The following RYR3 variants were observed in gnomAD, a reference collection of about 807,000 sequenced individuals.
RYR3 encodes the protein ryanodine receptor 3.
A neutral mutation model predicts 584.3 loss-of-function variants in RYR3; 207 were observed. The ratio of observed to expected loss-of-function variants is 0.35; its 90% CI spans 0.32 to 0.40. The LOEUF (loss-of-function observed/expected upper bound fraction) is 0.40, where lower values mean the gene tolerates loss of function less well. Ranked by LOEUF, RYR3 falls within the 10% of genes least tolerant of loss-of-function variation. The pLI is 1.00. For missense variants in RYR3, 5,616 were observed against 6,089.2 expected, an observed-to-expected ratio of 0.92 and a Z score of 2.59; for synonymous variants, 2,416 against 2,248.5, an observed-to-expected ratio of 1.07 and a Z score of -2.11.
intron 36 of RYR3, among the ~76,000 whole-genome samples, chr15:33,665,128 A>G (rs2063424147): frequency 1.3e-5 from 2 of 152,248 alleles, no homozygotes; most frequent in Non-Finnish European, 2.9e-5. Flanking sequence ...CATATTCCCT[A>G]TTTCACTGGG....
At chr15:33,808,682 G>A (rs1304202886) in intron 70 of RYR3, among the ~76,000 whole-genome samples, 2 of 152,164 alleles carry the variant, frequency 1.3e-5, no homozygotes, top group East Asian at 1.9e-4. Flanking sequence ...TTTAAACCTG[G>A]TGGTAGAATG....
At chr15:33,639,820 C>T (rs1340184568) in intron 27 of RYR3, among the ~76,000 whole-genome samples, 1 of 152,172 alleles carries the variant, frequency 6.6e-6, no homozygotes, top group South Asian at 2.1e-4. Context: ...TTAATGTTCC[C>T]TCCCCTGGTC....
At chr15:33,371,366 G>T (rs2040320030) in intron 1 of RYR3, among the ~76,000 whole-genome samples, 1 of 152,156 alleles carries the variant, frequency 6.6e-6, no homozygotes, top group Admixed American at 6.5e-5. Flanking sequence ...GCTCCTGCAG[G>T]AGGGAAAAAG....
chr15:33,838,484 G>T lies in RYR3; in HGVS notation c.12504G>T (p.Gln4168His). 3.1e-6 allele frequency: 5 copies of T among 1,614,040 alleles called. No homozygotes were observed. Among genetic ancestry groups the T allele is most frequent in the Non-Finnish European group, 4.2e-6 (5 of 1,179,882 alleles). The part of the protein sequence containing the change: ...KRATLKNLRK[Q>H]YRNVKKMTAK... ...CAACCCTGAAGAACCTCAGGAAGCAGTACAGGAACGTGAAAAAGATGACTG... is the reference window on the plus strand; with the variant it reads ...CAACCCTGAAGAACCTCAGGAAGCATTACAGGAACGTGAAAAAGATGACTG... Residue 4168 changes from glutamine (Q) to histidine (H), a missense_variant, in exon 89 of 104, where the codon CAG (glutamine) becomes CAT (histidine). Gln to His is a conservative substitution (Grantham distance 24). This residue lies in a region of RYR3 where 918 missense variants were observed against 887.4 expected (regional missense o/e 1.03). Coordinates refer to ENST00000634891, the MANE Select transcript of RYR3 (RefSeq NM_001036.6).
At chr15:33,454,960 G>A (rs1375777118) in intron 1 of RYR3, among the ~76,000 whole-genome samples, 1 of 152,192 alleles carries the variant, frequency 6.6e-6, no homozygotes, top group Non-Finnish European at 1.5e-5. Context: ...AATGTAGTGA[G>A]CTGCTGAGAT....
chr15:33,700,076 G>A (rs557158662), intron 41 of RYR3, among the ~76,000 whole-genome samples: 1 of 152,230 alleles, frequency 6.6e-6, no homozygotes, highest in Non-Finnish European at 1.5e-5. Flanking sequence ...TAGTCGTACA[G>A]TTTTACCTCA....
chr15:33,573,820 A>G (rs886884417), intron 12 of RYR3, among the ~76,000 whole-genome samples: 7 of 152,182 alleles, frequency 4.6e-5, no homozygotes, highest in African/African-American at 1.7e-4. Flanking sequence ...AGGTTCTTCT[A>G]GGGTAGAATA....
In RYR3 at chr15:33,450,087, T is replaced by TAA. The variant is rs10647466; in HGVS notation, c.52-23309_52-23308dup. ...TTACTGCGGCTAGAGCATTAATACC[T>TAA]AAAAAAAAAAAAAAAAAAAAAAAAG... On this transcript the variant is annotated intron_variant, in intron 1 of 103. Transcript: ENST00000634891. Among the ~76,000 whole-genome samples, 604 of 67,282 alleles carry TAA rather than the reference T, an allele frequency of 9.0e-3. 62 individuals are homozygous for TAA. The highest frequency in any genetic ancestry group is 0.012 in the Non-Finnish European group (429 of 37,088). 44.1% of individuals were successfully genotyped at this position (67,282 alleles called of 152,430 possible). A position where few individuals can be genotyped will look rare whatever the true frequency, so the allele number is the denominator to read the frequency against.
intron 1 of RYR3, among the ~76,000 whole-genome samples, chr15:33,459,954 A>G (rs2142058554): frequency 6.6e-6 from 1 of 152,358 alleles, no homozygotes; most frequent in East Asian, 1.9e-4. Context: ...TTACAAAAGG[A>G]ATCAAGCAGT....
At chr15:33,583,022 C>G (rs1356506022) in intron 14 of RYR3, among the ~76,000 whole-genome samples, 1 of 152,042 alleles carries the variant, frequency 6.6e-6, no homozygotes, top group African/African-American at 2.4e-5. Flanking sequence ...ACTCAAATGA[C>G]AGCATATTTT....
intron 19 of RYR3, among the ~76,000 whole-genome samples, chr15:33,615,463 ATGTG>A (rs1210190427): frequency 6.6e-6 from 1 of 152,208 alleles, no homozygotes; most frequent in Non-Finnish European, 1.5e-5. Context: ...TTTGAGACAG[ATGTG>A]TGTGTATGTT....
intron 1 of RYR3, among the ~76,000 whole-genome samples, chr15:33,419,962 G>A (rs572768171): frequency 8.5e-5 from 13 of 152,290 alleles, no homozygotes; most frequent in Admixed American, 3.3e-4. Flanking sequence ...GAGAACTTTC[G>A]TATTTTGCAG....
intron 39 of RYR3, 106 bp downstream of exon 39, chr15:33,696,597 G>T (rs2065880240): frequency 8.2e-7 from 1 of 1,215,210 alleles, no homozygotes; most frequent in Non-Finnish European, 1.1e-6. Flanking sequence ...TTAAATCTTT[G>T]TGTGAACTGA....
intron 18 of RYR3, among the ~76,000 whole-genome samples, chr15:33,607,325 TA>T (rs1304449372): frequency 2.0e-5 from 3 of 152,034 alleles, no homozygotes; most frequent in African/African-American, 4.8e-5. Context: ...AAGTGGCCTT[TA>T]AAAAAAATCA....
intron 62 of RYR3, among the ~76,000 whole-genome samples, chr15:33,771,274 G>A (rs1469812906): frequency 5.3e-5 from 8 of 152,198 alleles, no homozygotes; most frequent in Non-Finnish European, 7.3e-5. Flanking sequence ...GGTGGCTCAC[G>A]CCTGTAATCC....
chr15:33,424,939 C>G lies in RYR3; in HGVS notation c.52-48480C>G, dbSNP rs2676030. 4.2e-3 allele frequency among the ~76,000 whole-genome samples: 645 copies of G among 152,246 alleles called. 1 individual carries two copies. The highest frequency in any genetic ancestry group is 0.013 in the African/African-American group (541 of 41,544). Reference sequence around the variant, plus strand: ...TCCAGCCTGGCAACATTTTGAAAAACAAGAAGAAGAAAATGGGAATATGGG... The same window carrying G: ...TCCAGCCTGGCAACATTTTGAAAAAGAAGAAGAAGAAAATGGGAATATGGG... On this transcript the variant is annotated intron_variant, in intron 1 of 103. Transcript: ENST00000634891.
Position 33,731,580 on chromosome 15 carries a change from A to C in RYR3, c.7310A>C (p.His2437Pro). 2 of 1,613,800 alleles carry C rather than the reference A, an allele frequency of 1.2e-6. No individual in the cohort carries two copies. The highest frequency in any genetic ancestry group is 1.1e-5 in the South Asian group (1 of 91,070). ...RCAPLFAGTE[H>P]CTSLIDSTLQ... ...GCCCCTCTCTTTGCCGGAACAGAAC[A>C]CTGCACCTCTCTGATTGATTCCACA... The change falls in exon 48 of 104, where the codon CAC becomes CCC. Residue 2437 changes from histidine to proline, a missense_variant. Transcript: ENST00000634891.
chr15:33,389,237 T>A (rs566470451), intron 1 of RYR3, among the ~76,000 whole-genome samples: 2 of 152,016 alleles, frequency 1.3e-5, no homozygotes, highest in African/African-American at 2.4e-5. Context: ...TAAAAAAAAA[T>A]TCATCATAGA....
At chr15:33,500,366 G>C (rs989975483) in intron 2 of RYR3, among the ~76,000 whole-genome samples, 2 of 152,112 alleles carry the variant, frequency 1.3e-5, no homozygotes, top group East Asian at 3.9e-4. Context: ...TACAAAACAG[G>C]GGCAGCAGAT....
Sources: gnomAD v4.1 joint callset for allele counts (sites outside exome capture counted in the v4.1 genomes callset) on GRCh38, gnomAD v4.1.1 for gene constraint, gnomAD v4.1.1 regional missense constraint, MANE v1.5 for transcripts, NCBI Gene and HGNC (gene_info 2026-07-23, HGNC 2026-07-21) for gene names.